Variants in MACF1 observed in about 807,000 individuals in gnomAD.
The protein encoded by MACF1 is microtubule-actin cross-linking factor 1.
A neutral mutation model predicts 854.8 loss-of-function variants in MACF1; 193 were observed. The observed-to-expected ratio is 0.23, with a 90% CI of 0.20 to 0.25. MACF1 has a LOEUF of 0.25. Ranked by LOEUF, MACF1 falls within the 10% of genes least tolerant of loss-of-function variation. MACF1 has a pLI of 1.00. For missense variants in MACF1, 7,722 were observed against 8,929.1 expected, an observed-to-expected ratio of 0.86 and a Z score of 5.45; for synonymous variants, 3,185 against 3,226.7, an observed-to-expected ratio of 0.99 and a Z score of 0.44.
intron 2 of MACF1, among the ~76,000 whole-genome samples, chr1:39,149,735 C>G (rs201807343): frequency 2.7e-5 from 4 of 150,928 alleles, no homozygotes; most frequent in African/African-American, 7.3e-5. Context: ...CATCCCAGCC[C>G]GATATTTAAA....
In MACF1 at chr1:39,409,529, C is replaced by CGCCT. The variant is rs1415253499; in HGVS notation, c.15817-12840_15817-12837dup. ...CGGCCGCTGCTGCTGCCCGCCCGCC[C>CGCCT]GCCTGCCTTTCCGAAGGCCTGGCGC... On this transcript the variant is annotated intron_variant, in intron 58 of 100. Coordinates refer to ENST00000564288, the MANE Select transcript of MACF1 (RefSeq NM_001394062.1). This position sits in a 1 kb window ranked among gnomAD's most constrained non-coding sequence, Gnocchi z 4.2. The CGCCT allele has an allele frequency of 2.0e-5, 3 of 152,340 alleles. No homozygotes were observed. Among genetic ancestry groups the CGCCT allele is most frequent in the Non-Finnish European group, 4.4e-5 (3 of 68,150 alleles). The allele number at this position is 152,340 out of a possible 1,614,324, so 9.4% of individuals were successfully genotyped here. A position where few individuals can be genotyped will look rare whatever the true frequency, so the allele number is the denominator to read the frequency against.
At chr1:39,231,296 G>T (rs1571200573) in intron 2 of MACF1, 53 bp downstream of exon 2, 2 of 1,492,840 alleles carry the variant, frequency 1.3e-6, no homozygotes, top group African/African-American at 1.4e-5. Context: ...GCTCTCATCT[G>T]GATCTGTCAT....
At chr1:39,466,481 T>G (rs1179118920) in intron 95 of MACF1, among the ~76,000 whole-genome samples, 1 of 152,246 alleles carries the variant, frequency 6.6e-6, no homozygotes, top group African/African-American at 2.4e-5. Flanking sequence ...TAAATTATAG[T>G]ACACAGTATT....
At chr1:39,439,612 T>C in intron 72 of MACF1, 112 bp downstream of exon 72, 1 of 735,800 alleles carries the variant, frequency 1.4e-6, no homozygotes, top group South Asian at 2.1e-5. Flanking sequence ...ACCTTAAAGG[T>C]TTTTGTTTTT....
chr1:39,375,921 G>A (rs1649679548), intron 52 of MACF1, among the ~76,000 whole-genome samples: 1 of 152,244 alleles, frequency 6.6e-6, no homozygotes, highest in South Asian at 2.1e-4. Context: ...AATGAGAACT[G>A]TGTAGATGTA....
intron 58 of MACF1, among the ~76,000 whole-genome samples, chr1:39,421,621 A>G (rs529846899): frequency 6.6e-6 from 1 of 152,316 alleles, no homozygotes; most frequent in African/African-American, 2.4e-5. Flanking sequence ...ATTTCTTATT[A>G]GTGGTCAGTT....
chr1:39,312,622 C>T (rs768215636), intron 26 of MACF1, among the ~76,000 whole-genome samples: 7 of 152,020 alleles, frequency 4.6e-5, no homozygotes, highest in Non-Finnish European at 8.8e-5. Context: ...ACCAGGAGTT[C>T]GAGACCAGCC....
rs1424688786 is a variant in MACF1, at chr1:39,487,123, A to G, written c.*1329A>G. The G allele has an allele frequency of 6.6e-6, 1 of 152,222 alleles. No homozygotes were observed. Among genetic ancestry groups the G allele is most frequent in the African/African-American group, 2.4e-5 (1 of 41,444 alleles). The allele number at this position is 152,222 out of a possible 1,614,324, so 9.4% of individuals were successfully genotyped here. A position where few individuals can be genotyped will look rare whatever the true frequency, so the allele number is the denominator to read the frequency against. On this transcript the variant is annotated 3_prime_UTR_variant, in exon 101 of 101. Coordinates refer to ENST00000564288, the MANE Select transcript of MACF1 (RefSeq NM_001394062.1). ...ATGGATAAATTATAGAGCTTAATAG[A>G]TCTTGTTTTATTTCATCCTTGTTAA...
At chr1:39,269,441 A>C in intron 6 of MACF1, 1 of 1,289,780 alleles carries the variant, frequency 7.8e-7, no homozygotes, top group Non-Finnish European at 1.0e-6. Context: ...CTTCATTACT[A>C]CTGGACCAGC....
chr1:39,368,025 A>T, intron 49 of MACF1, 123 bp from the exon 50 acceptor site: 66 of 530,656 alleles, frequency 1.2e-4, no homozygotes, highest in Non-Finnish European at 1.8e-4. Context: ...CTTTTCACTG[A>T]GTTGCATATT....
At chr1:39,158,217 G>A (rs1643728871) in intron 2 of MACF1, among the ~76,000 whole-genome samples, 2 of 152,132 alleles carry the variant, frequency 1.3e-5, no homozygotes, top group African/African-American at 2.4e-5. Context: ...TCCTGGAGTT[G>A]GGGATATGTG....
rs1645001845 is a variant in MACF1 at position 39,480,959 on chromosome 1, T to A, written c.22210T>A (p.Leu7404Met). 2 of 1,551,042 alleles carry A rather than the reference T, an allele frequency of 1.3e-6. No homozygotes were observed. The highest frequency in any genetic ancestry group is 4.9e-5 in the East Asian group (2 of 40,916). Reference sequence around the variant, plus strand: ...CTCTCGCTGTTATGACAAACCCTGGTTGGTAAACAGTAAAGCTGGCACCCC... The same window carrying A: ...CTCTCGCTGTTATGACAAACCCTGGATGGTAAACAGTAAAGCTGGCACCCC... Reference protein sequence around the residue: ...QFSRCYDKPWLVNSKAGTPIR... With the variant: ...QFSRCYDKPWMVNSKAGTPIR... Residue 7404 changes from leucine to methionine, a missense_variant, in exon 99 of 101, where the codon TTG (leucine) becomes ATG (methionine). Physicochemically the swap from Leu to Met is conservative, Grantham distance 15. This residue lies in a region of MACF1 where 185 missense variants were observed against 225.7 expected (regional missense o/e 0.82). Transcript: ENST00000564288.
At chr1:39,415,701 G>C (rs992001388) in intron 58 of MACF1, among the ~76,000 whole-genome samples, 2 of 152,096 alleles carry the variant, frequency 1.3e-5, no homozygotes, top group African/African-American at 2.4e-5. Flanking sequence ...AATGTGTTAG[G>C]AAACAGTTGG....
intron 6 of MACF1, among the ~76,000 whole-genome samples, chr1:39,265,919 G>A (rs1473368153): frequency 1.3e-5 from 2 of 152,182 alleles, no homozygotes; most frequent in Non-Finnish European, 1.5e-5. Flanking sequence ...ATCCCAGTAA[G>A]TAGGTGGTAG....
At chr1:39,279,357 A>G (rs1390776712) in intron 6 of MACF1, among the ~76,000 whole-genome samples, 1 of 151,602 alleles carries the variant, frequency 6.6e-6, no homozygotes, top group Non-Finnish European at 1.5e-5. Context: ...AGTAGCCTGC[A>G]GCTTTCTTTT....
intron 69 of MACF1, among the ~76,000 whole-genome samples, chr1:39,434,956 T>C (rs1643940591): frequency 6.6e-6 from 1 of 152,232 alleles, no homozygotes; most frequent in Non-Finnish European, 1.5e-5. Context: ...GACAGTACTT[T>C]CTACTTAGTT....
chr1:39,269,277 C>T (rs970792746), intron 6 of MACF1: 6 of 1,289,696 alleles, frequency 4.7e-6, no homozygotes, highest in African/African-American at 3.0e-5. Context: ...AAATATTCAG[C>T]GTGGGTTTCG....
intron 2 of MACF1, among the ~76,000 whole-genome samples, chr1:39,243,106 T>C (rs1207743544): frequency 6.6e-6 from 1 of 152,236 alleles, no homozygotes; most frequent in Non-Finnish European, 1.5e-5. Flanking sequence ...TTGCTAACAC[T>C]TATCTGTCTT....
intron 51 of MACF1, among the ~76,000 whole-genome samples, chr1:39,371,758 T>TA (rs1299252207): frequency 1.3e-5 from 2 of 152,094 alleles, no homozygotes; most frequent in Admixed American, 6.6e-5. Context: ...TTTCTTTTTT[T>TA]ATCTTTATAT....
Sources: allele counts gnomAD v4.1 joint callset (sites outside exome capture counted in the v4.1 genomes callset), GRCh38; gene constraint gnomAD v4.1.1; regional missense constraint gnomAD v4.1.1; non-coding constraint Gnocchi (gnomAD v3.1); transcripts MANE v1.5; gene names NCBI Gene and HGNC (gene_info 2026-07-23, HGNC 2026-07-21).